Variants in KALRN observed in about 807,000 individuals in gnomAD.
KALRN encodes kalirin RhoGEF kinase, also known as kalirin.
A neutral mutation model predicts 353.7 loss-of-function variants in KALRN; 70 were observed. That is an observed-to-expected ratio of 0.20 (90% confidence interval 0.16 to 0.24). KALRN has a LOEUF of 0.24. Among genes scored for constraint, KALRN ranks in the 10% least tolerant of loss-of-function variants. The pLI is 1.00. For missense variants in KALRN, 2,791 were observed against 3,756.7 expected (o/e 0.74, Z 6.72); for synonymous variants, 1,391 against 1,434.8 (o/e 0.97, Z 0.69).
intron 33 of KALRN, among the ~76,000 whole-genome samples, chr3:124,546,553 G>T (rs1561263226): frequency 6.6e-6 from 1 of 152,188 alleles, no homozygotes; most frequent in Non-Finnish European, 1.5e-5. Flanking sequence ...ATAGAAGAGG[G>T]TTGTTGTGGA....
At chr3:124,433,161 G>C (rs2093343590) in intron 16 of KALRN, among the ~76,000 whole-genome samples, 1 of 152,158 alleles carries the variant, frequency 6.6e-6, no homozygotes, top group South Asian at 2.1e-4. Flanking sequence ...ATGATTGTTG[G>C]TGGGGAGCAT....
At chr3:124,706,624 C>T (rs1402314975) in intron 57 of KALRN, among the ~76,000 whole-genome samples, 1 of 151,570 alleles carries the variant, frequency 6.6e-6, no homozygotes, top group Non-Finnish European at 1.5e-5. Context: ...GGCTGGAGTG[C>T]AGTGATGCAG....
intron 1 of KALRN, among the ~76,000 whole-genome samples, chr3:124,075,848 C>T (rs1316536003): frequency 1.3e-5 from 2 of 152,198 alleles, no homozygotes; most frequent in South Asian, 2.1e-4. Context: ...TACCAAGAGG[C>T]CTTTTGGCAA....
At chr3:124,142,123 A>T in intron 1 of KALRN, among the ~76,000 whole-genome samples, 1 of 152,182 alleles carries the variant, frequency 6.6e-6, no homozygotes, top group East Asian at 1.9e-4. Context: ...ACCCCAGGTG[A>T]TACTCACCTC....
chr3:124,587,698 C>CCTTTTTTTTTT (rs2075338375), intron 34 of KALRN, among the ~76,000 whole-genome samples: 2 of 75,860 alleles, frequency 2.6e-5, no homozygotes, highest in Non-Finnish European at 4.7e-5. Context: ...CCACCCTCCA[C>CCTTTTTTTTTT]TTTTTTTTTT....
intron 27 of KALRN, among the ~76,000 whole-genome samples, chr3:124,480,176 G>C (rs1284391226): frequency 6.6e-6 from 1 of 152,124 alleles, no homozygotes; most frequent in African/African-American, 2.4e-5. Context: ...ACTGTTGCTT[G>C]TGCTTTCTTG....
At chr3:124,067,314 C>T (rs2042445459) in intron 1 of KALRN, among the ~76,000 whole-genome samples, 1 of 151,784 alleles carries the variant, frequency 6.6e-6, no homozygotes, top group Admixed American at 6.6e-5. Flanking sequence ...CCCACCCCAC[C>T]CCACCGCACC....
At chr3:124,431,309 G>T (rs1052625856) in intron 16 of KALRN, among the ~76,000 whole-genome samples, 1 of 152,224 alleles carries the variant, frequency 6.6e-6, no homozygotes, top group African/African-American at 2.4e-5. Flanking sequence ...GAAAGCAGTT[G>T]TTCAATAATG....
intron 21 of KALRN, among the ~76,000 whole-genome samples, chr3:124,451,048 A>T (rs1413642254): frequency 6.6e-6 from 1 of 152,202 alleles, no homozygotes; most frequent in Non-Finnish European, 1.5e-5. Flanking sequence ...GATAAGGAAT[A>T]TCAATATTCC....
At chr3:124,634,043 TC>T in intron 36 of KALRN, 90 bp downstream of exon 36, 2 of 908,818 alleles carry the variant, frequency 2.2e-6, no homozygotes, top group Non-Finnish European at 1.7e-6. Context: ...ATACTCTTTC[TC>T]CCATGTTATC....
At chr3:124,209,285 G>A (rs561534837) in intron 1 of KALRN, among the ~76,000 whole-genome samples, 1 of 151,894 alleles carries the variant, frequency 6.6e-6, no homozygotes, top group South Asian at 2.1e-4. Context: ...TGGGCAGATT[G>A]TCTGAGCTCA....
At chr3:124,163,647 G>C (rs931747483) in intron 1 of KALRN, 5 of 984,384 alleles carry the variant, frequency 5.1e-6, no homozygotes, top group African/African-American at 3.5e-5. Context: ...AAGAAGAAAG[G>C]CTATAAAGGT....
intron 5 of KALRN, among the ~76,000 whole-genome samples, chr3:124,281,067 G>T (rs949622321): frequency 1.3e-5 from 2 of 151,674 alleles, no homozygotes; most frequent in African/African-American, 2.4e-5. Flanking sequence ...ATAAAAAAAA[G>T]AAAAAAAACA....
At chr3:124,285,727 G>A (rs982206783) in intron 5 of KALRN, among the ~76,000 whole-genome samples, 20 of 152,066 alleles carry the variant, frequency 1.3e-4, no homozygotes, top group Admixed American at 6.6e-5. Flanking sequence ...GTAGAGATGG[G>A]GTTTTGCCAT....
At chr3:124,437,074 G>A (rs928164517) in intron 17 of KALRN, among the ~76,000 whole-genome samples, 1 of 151,460 alleles carries the variant, frequency 6.6e-6, no homozygotes, top group African/African-American at 2.4e-5. Flanking sequence ...TGATGCTAGA[G>A]ATGGGACTAG....
intron 6 of KALRN, among the ~76,000 whole-genome samples, chr3:124,304,160 A>ACT (rs1491063910): frequency 6.8e-6 from 1 of 148,104 alleles, no homozygotes; most frequent in Non-Finnish European, 1.5e-5. Context: ...ACACACACAC[A>ACT]CTATTGTAAT....
chr3:124,584,788 G>A (rs1168762438), intron 34 of KALRN: 5 of 1,581,276 alleles, frequency 3.2e-6, no homozygotes, highest in South Asian at 1.2e-5. Flanking sequence ...CTGGCGCCCC[G>A]TGCCATGCGG....
At chr3:124,385,818 G>A (rs2088181513) in intron 11 of KALRN, among the ~76,000 whole-genome samples, 1 of 152,128 alleles carries the variant, frequency 6.6e-6, no homozygotes, top group African/African-American at 2.4e-5. Flanking sequence ...TTGAATAAGT[G>A]GCCAGTAAGG....
At chr3:124,236,437 A>T (rs59516919) in intron 3 of KALRN, among the ~76,000 whole-genome samples, 14,110 of 152,200 alleles carry the variant, frequency 0.093, 1,831 homozygotes, top group East Asian at 0.64. Flanking sequence ...TTCCTAAGTA[A>T]GTGACTAACA....
Sources: allele counts gnomAD v4.1 joint callset (sites outside exome capture counted in the v4.1 genomes callset), GRCh38; gene constraint gnomAD v4.1.1; transcripts MANE v1.5; gene names NCBI Gene and HGNC (gene_info 2026-07-23, HGNC 2026-07-21).